LARP1B: variants seen among roughly 807,000 people sequenced by gnomAD.
LARP1B encodes the protein la-related protein 1B.
A neutral mutation model predicts 114.2 loss-of-function variants in LARP1B; 76 were observed. The ratio of observed to expected loss-of-function variants is 0.67; its 90% confidence interval spans 0.55 to 0.81. The LOEUF is 0.81. LARP1B is among the 30% of genes least tolerant of loss of function. The pLI is 0.00. For missense variants in LARP1B, 1,014 were observed against 1,075.8 expected (o/e 0.94, Z 0.80); for synonymous variants, 345 against 348.0 (o/e 0.99, Z 0.10).
chr4:128,199,445 A>G lies in LARP1B; in HGVS notation c.2010A>G (p.Ser670=). Residue 670 remains serine (S), a synonymous_variant, in exon 16 of 20, where the codon TCA becomes TCG. Coordinates refer to ENST00000326639, the MANE Select transcript of LARP1B (RefSeq NM_018078.4). ...TTTCCCCTTTCTCAAACAGCACTTC[A>G]AATGCTTCACCTTCAGAAGGCGCAC... The part of the protein sequence containing the change: ...RGPGTSSVST[S]NASPSEGAPL... The G allele has an allele frequency of 6.6e-7, 1 of 1,515,444 alleles. No homozygotes were observed. The highest frequency in any genetic ancestry group is 8.9e-7 in the Non-Finnish European group (1 of 1,127,346). The allele number at this position is 1,515,444 out of a possible 1,614,324, so 93.9% of individuals were successfully genotyped here. A position where few individuals can be genotyped will look rare whatever the true frequency, so the allele number is the denominator to read the frequency against.
chr4:128,195,132 C>G (rs1250363305), intron 15 of LARP1B, among the ~76,000 whole-genome samples: 1 of 152,086 alleles, frequency 6.6e-6, no homozygotes, highest in African/African-American at 2.4e-5. Flanking sequence ...TGCCAAATCC[C>G]AGTCTGAATA....
downstream of LARP1B, among the ~76,000 whole-genome samples, chr4:128,213,613 G>T (rs905993541): frequency 3.9e-5 from 6 of 152,168 alleles, no homozygotes; most frequent in African/African-American, 1.4e-4. Flanking sequence ...AATCTAAATG[G>T]CCCTACCCAA....
intron 5 of LARP1B, among the ~76,000 whole-genome samples, chr4:128,083,673 T>C (rs1297750475): frequency 3.9e-5 from 3 of 76,604 alleles, no homozygotes; most frequent in Admixed American, 1.5e-4. Context: ...GTGGGGGGGC[T>C]GAGCCCCCCC....
intron 11 of LARP1B, among the ~76,000 whole-genome samples, chr4:128,128,204 C>A (rs1790284538): frequency 6.6e-6 from 1 of 152,002 alleles, no homozygotes; most frequent in Non-Finnish European, 1.5e-5. Flanking sequence ...ATCTTCATGA[C>A]CTTGGATTTG....
chr4:128,176,468 A>G (rs970708196), intron 12 of LARP1B, among the ~76,000 whole-genome samples: 1 of 151,280 alleles, frequency 6.6e-6, no homozygotes, highest in Non-Finnish European at 1.5e-5. Flanking sequence ...TAATTTTTGC[A>G]TTTTTAGTAG....
chr4:128,109,589 A>G (rs1305017127), intron 9 of LARP1B, among the ~76,000 whole-genome samples: 1 of 152,078 alleles, frequency 6.6e-6, no homozygotes, highest in Non-Finnish European at 1.5e-5. Flanking sequence ...TTAACTCTTA[A>G]ATGAAAGGAT....
intron 12 of LARP1B, among the ~76,000 whole-genome samples, chr4:128,165,788 C>G (rs780396560): frequency 8.5e-5 from 13 of 152,206 alleles, no homozygotes; most frequent in Middle Eastern, 3.4e-3. Flanking sequence ...ATTAATCGCT[C>G]TGTCCTGAAA....
chr4:128,208,117 C>T (rs1758077848), intron 19 of LARP1B, among the ~76,000 whole-genome samples: 1 of 152,006 alleles, frequency 6.6e-6, no homozygotes, highest in African/African-American at 2.4e-5. Context: ...CACCTGATGC[C>T]AGGAGTTCAA....
intron 10 of LARP1B, among the ~76,000 whole-genome samples, chr4:128,120,933 C>G (rs989944722): frequency 2.0e-5 from 3 of 151,314 alleles, no homozygotes; most frequent in Admixed American, 1.3e-4. Context: ...GCCTCAGCCT[C>G]CCGAGTAGCT....
intron 11 of LARP1B, among the ~76,000 whole-genome samples, chr4:128,131,658 C>CAT (rs1189659926): frequency 6.6e-6 from 1 of 152,136 alleles, no homozygotes. Context: ...TTTGAGGTTA[C>CAT]AGTGAGCTGT....
chr4:128,179,008 C>T (rs756795820), intron 14 of LARP1B, among the ~76,000 whole-genome samples: 51 of 152,206 alleles, frequency 3.4e-4, no homozygotes, highest in Non-Finnish European at 6.2e-4. Flanking sequence ...GGCAGGATTG[C>T]TTGAGCCTGT....
chr4:128,097,017 G>A (rs958627519), intron 7 of LARP1B, among the ~76,000 whole-genome samples: 11 of 151,922 alleles, frequency 7.2e-5, no homozygotes, highest in Non-Finnish European at 1.3e-4. Flanking sequence ...TCCTGCCTCA[G>A]CTTCCCGAGT....
In LARP1B at chr4:128,107,856, A is replaced by C. The variant is rs1003639706; in HGVS notation, c.988+543A>C. ...ATTTTTAAGACATTCCCTCTTGGGA[A>C]AAAATGTGTGCTTAAACTTTTTTCA... is the stretch of plus-strand genomic sequence containing the variant. On this transcript the variant is annotated intron_variant, in intron 9 of 19. Transcript: ENST00000326639. 2.0e-6 allele frequency: 3 copies of C among 1,535,260 alleles called. No individual in the cohort carries two copies. The African/African-American group carries it at 4.1e-5, about 21-fold the overall frequency.
intron 15 of LARP1B, among the ~76,000 whole-genome samples, chr4:128,188,413 A>C (rs1016176362): frequency 6.6e-6 from 1 of 152,160 alleles, no homozygotes; most frequent in Non-Finnish European, 1.5e-5. Flanking sequence ...AGCCTAATAC[A>C]TCTAGCTGAA....
intron 8 of LARP1B, among the ~76,000 whole-genome samples, chr4:128,099,888 C>T (rs896468905): frequency 7.2e-5 from 11 of 152,112 alleles, no homozygotes; most frequent in African/African-American, 1.4e-4. Flanking sequence ...TGTTCCTCAG[C>T]CTTATCATTG....
chr4:128,148,172 T>C (rs946475576), intron 11 of LARP1B, among the ~76,000 whole-genome samples: 5 of 152,232 alleles, frequency 3.3e-5, no homozygotes, highest in African/African-American at 1.2e-4. Context: ...GGCACATGCC[T>C]GTAATCCTAG....
At chr4:128,193,480 A>AT (rs891010485) in intron 15 of LARP1B, among the ~76,000 whole-genome samples, 1 of 152,032 alleles carries the variant, frequency 6.6e-6, no homozygotes, top group African/African-American at 2.4e-5. Context: ...CTCATCATAA[A>AT]TTTTTTTGCC....
intron 15 of LARP1B, among the ~76,000 whole-genome samples, chr4:128,189,976 AC>A (rs1751685798): frequency 6.6e-6 from 1 of 152,246 alleles, no homozygotes; most frequent in African/African-American, 2.4e-5. Flanking sequence ...TGTAACAATT[AC>A]TGCATTAGAG....
chr4:128,179,097 TAAAC>T (rs1057393406), intron 14 of LARP1B, among the ~76,000 whole-genome samples: 6 of 152,080 alleles, frequency 3.9e-5, no homozygotes, highest in Non-Finnish European at 5.9e-5. Flanking sequence ...CATTTAAAAA[TAAAC>T]AAACAAACAA....
Sources: allele counts gnomAD v4.1 joint callset (sites outside exome capture counted in the v4.1 genomes callset), GRCh38; gene constraint gnomAD v4.1.1; transcripts MANE v1.5; gene names NCBI Gene and HGNC (gene_info 2026-07-23, HGNC 2026-07-21).